CORIN: variants seen among roughly 807,000 people sequenced by gnomAD.
The protein encoded by CORIN is corin, serine peptidase.
CORIN carries 117 observed loss-of-function variants against 125.3 expected under a neutral mutation model. The observed-to-expected ratio is 0.93, with a 90% CI of 0.80 to 1.09. CORIN has a LOEUF of 1.09. CORIN is among the 50% of genes least tolerant of loss of function. CORIN has a pLI of 0.00. For synonymous variants in CORIN, 450 were observed against 466.4 expected, an observed-to-expected ratio of 0.96 and a Z score of 0.45; for missense variants, 1,253 against 1,306.7, an observed-to-expected ratio of 0.96 and a Z score of 0.63.
chr4:47,753,609 T>G (rs1242173944), intron 4 of CORIN, among the ~76,000 whole-genome samples: 1 of 152,118 alleles, frequency 6.6e-6, no homozygotes, highest in African/African-American at 2.4e-5. Context: ...GGAAAAGAAT[T>G]CAGTGATATC....
At chr4:47,717,113 G>A (rs1428353002) in intron 5 of CORIN, among the ~76,000 whole-genome samples, 4 of 152,054 alleles carry the variant, frequency 2.6e-5, no homozygotes, top group Non-Finnish European at 4.4e-5. Flanking sequence ...TTCTTTAAAG[G>A]AAAAGTCACT....
intron 16 of CORIN, among the ~76,000 whole-genome samples, chr4:47,627,386 G>A (rs748292797): frequency 3.3e-5 from 5 of 152,082 alleles, no homozygotes; most frequent in Non-Finnish European, 7.4e-5. Context: ...ACCCTCTAAA[G>A]GGAATACTTG....
At chr4:47,597,890 A>G (rs1721312293) in intron 21 of CORIN, among the ~76,000 whole-genome samples, 1 of 152,232 alleles carries the variant, frequency 6.6e-6, no homozygotes, top group Non-Finnish European at 1.5e-5. Flanking sequence ...TTGGGTAACA[A>G]GGATAACCAC....
intron 4 of CORIN, among the ~76,000 whole-genome samples, chr4:47,757,872 A>ATTTTG (rs565318697): frequency 9.1e-6 from 1 of 110,234 alleles, no homozygotes; most frequent in Non-Finnish European, 1.8e-5. Flanking sequence ...ATATACATAT[A>ATTTTG]TATATGTATA....
At chr4:47,703,160 AG>A (rs1306918586) in intron 5 of CORIN, among the ~76,000 whole-genome samples, 1 of 152,186 alleles carries the variant, frequency 6.6e-6, no homozygotes, top group Non-Finnish European at 1.5e-5. Context: ...CTGAAGCCCT[AG>A]GTCAGCACTC....
At chr4:47,677,895 A>G (rs1266805590) in intron 9 of CORIN, 43 bp downstream of exon 9, 3 of 1,331,470 alleles carry the variant, frequency 2.3e-6, no homozygotes, top group Admixed American at 3.4e-5. Context: ...CAAGGAGAGG[A>G]CCACCAGTAA....
At chr4:47,707,331 A>T (rs1726619992) in intron 5 of CORIN, among the ~76,000 whole-genome samples, 1 of 152,234 alleles carries the variant, frequency 6.6e-6, no homozygotes, top group Admixed American at 6.5e-5. Flanking sequence ...ATTTTGTGAC[A>T]GTCATTTCAA....
At chr4:47,607,873 A>C (rs1476067701) in intron 19 of CORIN, among the ~76,000 whole-genome samples, 2 of 149,306 alleles carry the variant, frequency 1.3e-5, no homozygotes, top group Non-Finnish European at 3.0e-5. Flanking sequence ...CTTAAACCCT[A>C]GAGGTGGAGG....
At chr4:47,782,792 G>T (rs142537022) in intron 3 of CORIN, among the ~76,000 whole-genome samples, 35 of 152,172 alleles carry the variant, frequency 2.3e-4, no homozygotes, top group African/African-American at 7.9e-4. Flanking sequence ...AAAGAAGGCA[G>T]ATACAAAGGA....
chr4:47,701,347 C>A (rs1726284605), intron 5 of CORIN, among the ~76,000 whole-genome samples: 1 of 152,218 alleles, frequency 6.6e-6, no homozygotes, highest in Non-Finnish European at 1.5e-5. Flanking sequence ...CTCATTGGTT[C>A]ATTTTTTTCC....
chr4:47,686,741 C>A (rs575146800), intron 6 of CORIN, among the ~76,000 whole-genome samples: 1 of 152,302 alleles, frequency 6.6e-6, no homozygotes, highest in South Asian at 2.1e-4. Context: ...ACTTGACGAT[C>A]AGTGCAAAGT....
At chr4:47,603,926 A>G (rs550254958) in intron 19 of CORIN, among the ~76,000 whole-genome samples, 32 of 152,340 alleles carry the variant, frequency 2.1e-4, no homozygotes, top group African/African-American at 7.0e-4. Context: ...AAAGGCAGGC[A>G]GAGTTAGTTA....
chr4:47,701,722 G>A (rs2109759390), intron 5 of CORIN, among the ~76,000 whole-genome samples: 1 of 148,858 alleles, frequency 6.7e-6, no homozygotes, highest in African/African-American at 2.5e-5. Context: ...AAAGCAGGAA[G>A]CTAAGCTTTA....
At chr4:47,837,077 G>A (rs1262533437) in intron 1 of CORIN, among the ~76,000 whole-genome samples, 1 of 152,202 alleles carries the variant, frequency 6.6e-6, no homozygotes, top group African/African-American at 2.4e-5. Flanking sequence ...CCTCCTGAAC[G>A]AGAGCCAACG....
intron 13 of CORIN, among the ~76,000 whole-genome samples, chr4:47,652,201 T>G (rs1485245795): frequency 6.6e-6 from 1 of 152,168 alleles, no homozygotes; most frequent in Non-Finnish European, 1.5e-5. Context: ...ACACTGTACA[T>G]TCCTCCATAA....
chr4:47,650,037 C>T (rs984808095), intron 13 of CORIN, among the ~76,000 whole-genome samples: 15 of 152,308 alleles, frequency 9.8e-5, no homozygotes, highest in Admixed American at 7.8e-4. Flanking sequence ...AAAAAGAAAA[C>T]ATGCCTTTTG....
chr4:47,721,362 T>G (rs533455184), intron 5 of CORIN, among the ~76,000 whole-genome samples: 1 of 151,920 alleles, frequency 6.6e-6, no homozygotes, highest in Non-Finnish European at 1.5e-5. Flanking sequence ...CTCCACCTCC[T>G]GGGTTCAAGT....
intron 2 of CORIN, among the ~76,000 whole-genome samples, chr4:47,802,227 G>C (rs1244243929): frequency 6.6e-6 from 1 of 152,120 alleles, no homozygotes; most frequent in East Asian, 1.9e-4. Flanking sequence ...ATTAAAAGCA[G>C]GGGAAAAAAG....
intron 2 of CORIN, among the ~76,000 whole-genome samples, chr4:47,788,520 A>G (rs1730923671): frequency 6.6e-6 from 1 of 152,232 alleles, no homozygotes; most frequent in South Asian, 2.1e-4. Context: ...GAAGGAATTC[A>G]TTTAATTGTT....
Sources: gnomAD v4.1 joint callset for allele counts (sites outside exome capture counted in the v4.1 genomes callset) on GRCh38, gnomAD v4.1.1 for gene constraint, MANE v1.5 for transcripts, NCBI Gene and HGNC (gene_info 2026-07-23, HGNC 2026-07-21) for gene names.